Variants in NUBPL observed in about 807,000 individuals in gnomAD.
The protein encoded by NUBPL is iron-sulfur cluster transfer protein NUBPL.
A neutral mutation model predicts 45.7 loss-of-function variants in NUBPL; 31 were observed. That is an observed-to-expected ratio of 0.68 (90% confidence interval 0.51 to 0.92). NUBPL has a LOEUF of 0.92. Among genes scored for constraint, NUBPL ranks in the 40% least tolerant of loss-of-function variants. The pLI is 0.00. For synonymous variants in NUBPL, 144 were observed against 140.9 expected (o/e 1.02, Z -0.15); for missense variants, 401 against 398.7 (o/e 1.01, Z -0.05).
rs1047374316 is a variant in NUBPL, at chr14:31,767,197, T to G, written c.514-20583T>G. On this transcript the variant is annotated intron_variant, in intron 6 of 10. Coordinates refer to ENST00000281081, the MANE Select transcript of NUBPL (RefSeq NM_025152.3). ...CAAACAGCTGCTATTTCTGGCTTAT[T>G]TATTTATTTTATGTATTTTTTGAGA... Among the ~76,000 whole-genome samples, 28 of 152,060 alleles carry G rather than the reference T, an allele frequency of 1.8e-4. 1 individual carries two copies. The highest frequency in any genetic ancestry group is 3.3e-4 in the Admixed American group (5 of 15,258).
intron 6 of NUBPL, among the ~76,000 whole-genome samples, chr14:31,725,181 A>G (rs2037893944): frequency 6.6e-6 from 1 of 152,170 alleles, no homozygotes; most frequent in Non-Finnish European, 1.5e-5. Context: ...GGTAGAGGTT[A>G]GGAGAAGAAT....
At chr14:31,805,588 A>G (rs533322698) in intron 7 of NUBPL, among the ~76,000 whole-genome samples, 2 of 152,286 alleles carry the variant, frequency 1.3e-5, no homozygotes, top group South Asian at 4.1e-4. Context: ...TGCATCCATA[A>G]AAAAAGAATG....
intron 8 of NUBPL, among the ~76,000 whole-genome samples, chr14:31,838,173 T>G (rs113383272): frequency 0.099 from 14,999 of 151,846 alleles, 958 homozygotes; most frequent in Non-Finnish European, 0.14. Context: ...GTGGAATGGC[T>G]GGAATTCTCA....
At chr14:31,676,347 G>T (rs1211182272) in intron 6 of NUBPL, among the ~76,000 whole-genome samples, 1 of 151,890 alleles carries the variant, frequency 6.6e-6, no homozygotes, top group Admixed American at 6.6e-5. Flanking sequence ...TTTTTATATG[G>T]TTTCACTTAG....
intron 7 of NUBPL, among the ~76,000 whole-genome samples, chr14:31,817,882 C>G (rs771982876): frequency 2.6e-5 from 4 of 151,994 alleles, no homozygotes; most frequent in Non-Finnish European, 5.9e-5. Flanking sequence ...GATAAAGAGT[C>G]AAGACCCATC....
intron 7 of NUBPL, among the ~76,000 whole-genome samples, chr14:31,806,305 G>GT (rs538890506): frequency 2.0e-4 from 31 of 151,980 alleles, no homozygotes; most frequent in African/African-American, 6.8e-4. Context: ...CCTCTCTGGA[G>GT]TTTTTTTTAG....
intron 8 of NUBPL, among the ~76,000 whole-genome samples, chr14:31,834,373 G>T (rs951271429): frequency 6.6e-6 from 1 of 151,866 alleles, no homozygotes; most frequent in African/African-American, 2.4e-5. Context: ...TAGAGACGGG[G>T]TTTCACCGTG....
intron 4 of NUBPL, among the ~76,000 whole-genome samples, chr14:31,648,591 T>G (rs556677820): frequency 6.6e-6 from 1 of 152,376 alleles, no homozygotes; most frequent in Non-Finnish European, 1.5e-5. Flanking sequence ...CTTTCAGACA[T>G]ATCAGATAAT....
At chr14:31,684,663 A>T (rs894322794) in intron 6 of NUBPL, among the ~76,000 whole-genome samples, 1 of 152,190 alleles carries the variant, frequency 6.6e-6, no homozygotes, top group African/African-American at 2.4e-5. Context: ...AAGATGATGT[A>T]GTCCTTTGGG....
chr14:31,589,827 ATT>A (rs2034097788), intron 3 of NUBPL, among the ~76,000 whole-genome samples: 3 of 152,270 alleles, frequency 2.0e-5, no homozygotes, highest in African/African-American at 7.2e-5. Flanking sequence ...CAGTAGCAAT[ATT>A]GTTAGCAATA....
intron 6 of NUBPL, among the ~76,000 whole-genome samples, chr14:31,696,000 C>T (rs973825334): frequency 6.6e-6 from 1 of 152,092 alleles, no homozygotes; most frequent in Non-Finnish European, 1.5e-5. Context: ...GTAATTTTAT[C>T]AAGAAAGCAA....
chr14:31,730,718 G>C (rs2038032632), intron 6 of NUBPL, among the ~76,000 whole-genome samples: 1 of 151,978 alleles, frequency 6.6e-6, no homozygotes, highest in Non-Finnish European at 1.5e-5. Context: ...CATCCACCTT[G>C]GCCTCCCAAA....
chr14:31,629,278 T>G (rs1206643643), intron 4 of NUBPL, among the ~76,000 whole-genome samples: 1 of 152,194 alleles, frequency 6.6e-6, no homozygotes, highest in African/African-American at 2.4e-5. Flanking sequence ...TTGTTTCTTC[T>G]CCTTTTATTA....
intron 4 of NUBPL, among the ~76,000 whole-genome samples, chr14:31,621,585 C>T (rs2035063382): frequency 6.6e-6 from 1 of 152,166 alleles, no homozygotes; most frequent in Admixed American, 6.5e-5. Context: ...GGTGATGCCC[C>T]ACCCTGCTTT....
In NUBPL at chr14:31,608,267, A is replaced by G. The variant is rs147991369; in HGVS notation, c.382+8888A>G. Among the ~76,000 whole-genome samples the G allele has an allele frequency of 2.1e-3, 318 of 152,272 alleles. 1 individual carries two copies. Among genetic ancestry groups the G allele is most frequent in the African/African-American group, 7.3e-3 (303 of 41,560 alleles). On this transcript the variant is annotated intron_variant, in intron 4 of 10. Coordinates refer to ENST00000281081, the MANE Select transcript of NUBPL (RefSeq NM_025152.3). ...GGAATACTTCATCAGAAAGAAAAGG[A>G]CATAGGCTGAGTGTAGTGGCTCACT... is the stretch of plus-strand genomic sequence containing the variant.
chr14:31,700,709 C>T (rs113962595), intron 6 of NUBPL, among the ~76,000 whole-genome samples: 3 of 152,242 alleles, frequency 2.0e-5, no homozygotes, highest in Non-Finnish European at 2.9e-5. Context: ...GTGGAGGGTG[C>T]GCTGGGTCCT....
chr14:31,696,757 T>C (rs979574711), intron 6 of NUBPL, among the ~76,000 whole-genome samples: 1 of 152,206 alleles, frequency 6.6e-6, no homozygotes, highest in African/African-American at 2.4e-5. Flanking sequence ...TCATTCTCAC[T>C]AAGTGAACAT....
intron 4 of NUBPL, among the ~76,000 whole-genome samples, chr14:31,660,186 A>G (rs2036235351): frequency 6.6e-6 from 1 of 152,102 alleles, no homozygotes; most frequent in African/African-American, 2.4e-5. Context: ...TGATGGCTCA[A>G]GTTTTGAGTT....
chr14:31,762,330 T>G (rs995686108), intron 6 of NUBPL, among the ~76,000 whole-genome samples: 3 of 152,174 alleles, frequency 2.0e-5, no homozygotes, highest in Non-Finnish European at 4.4e-5. Flanking sequence ...TAAAATTGAT[T>G]AGGAAAGAAA....
Sources: allele counts gnomAD v4.1 joint callset (sites outside exome capture counted in the v4.1 genomes callset), GRCh38; gene constraint gnomAD v4.1.1; transcripts MANE v1.5; gene names NCBI Gene and HGNC (gene_info 2026-07-23, HGNC 2026-07-21).